Variants in PDIA4 observed in about 807,000 individuals in gnomAD.
The protein encoded by PDIA4 is protein disulfide-isomerase A4.
A neutral mutation model predicts 62.1 loss-of-function variants in PDIA4; 33 were observed. The observed-to-expected ratio is 0.53, with a 90% CI of 0.40 to 0.71. PDIA4 has a LOEUF of 0.71. Among genes scored for constraint, PDIA4 ranks in the 30% least tolerant of loss-of-function variants. The pLI, the probability that PDIA4 is intolerant of heterozygous loss-of-function variation, is 0.00. For missense variants in PDIA4, 804 were observed against 813.6 expected, an observed-to-expected ratio of 0.99 and a Z score of 0.14; for synonymous variants, 341 against 324.1, an observed-to-expected ratio of 1.05 and a Z score of -0.56.
chr7:149,022,360 A>T (rs1431230003), intron 1 of PDIA4, among the ~76,000 whole-genome samples: 1 of 152,172 alleles, frequency 6.6e-6, no homozygotes, highest in Non-Finnish European at 1.5e-5. Flanking sequence ...AGAATGTGAG[A>T]AATTGTGTAT....
Position 149,003,675 on chromosome 7 carries a change from A to T in PDIA4, c.*119T>A, listed in dbSNP as rs977964863. 6.6e-5 allele frequency: 11 copies of T among 166,462 alleles called. No individual in the cohort carries two copies. The highest frequency in any genetic ancestry group is 5.0e-4 in the South Asian group (3 of 5,980). 10.3% of individuals were successfully genotyped at this position (166,462 alleles called of 1,614,324 possible). A position where few individuals can be genotyped will look rare whatever the true frequency, so the allele number is the denominator to read the frequency against. On this transcript the variant is annotated 3_prime_UTR_variant, in exon 10 of 10. Transcript: ENST00000652332. ...GTGAAACACCAAAGTATAAAAAATT[A>T]AAAAAAAAAAAAAAGGAATCCGAGA...
At chr7:149,015,122 G>A in intron 3 of PDIA4, 80 bp from the exon 4 acceptor site, 5 of 1,458,586 alleles carry the variant, frequency 3.4e-6, no homozygotes, top group Non-Finnish European at 4.7e-6. Flanking sequence ...CAGATGAGGA[G>A]GGGGAAGAAA....
At chr7:149,006,188 C>A in intron 7 of PDIA4, 135 bp from the exon 8 acceptor site, 2 of 791,020 alleles carry the variant, frequency 2.5e-6, no homozygotes, top group Non-Finnish European at 3.7e-6. Flanking sequence ...CCCCAGGGCT[C>A]GACCCCACTC....
In PDIA4 at chr7:149,019,015, T is replaced by C. The variant is rs776133408; in HGVS notation, c.452A>G (p.Tyr151Cys). 3 of 1,613,484 alleles carry C rather than the reference T, an allele frequency of 1.9e-6. No homozygotes were observed. The highest frequency in any genetic ancestry group is 2.5e-6 in the Non-Finnish European group (3 of 1,179,720). ...ACCTTCCTGGGTTCTGGAGCCCTCG[T>C]AGTCTACAGCCTGCCCCTTCTTAAG... ...KILKKGQAVD[Y>C]EGSRTQEEIV... The change falls in exon 3 of 10, where the codon TAC (tyrosine) becomes TGC (cysteine). Residue 151 changes from tyrosine (Y) to cysteine (C), a missense_variant. Tyr to Cys is a radical substitution (Grantham distance 194, BLOSUM62 -2). Coordinates refer to ENST00000652332, the MANE Select transcript of PDIA4 (RefSeq NM_004911.5).
At chr7:149,014,373 A>G (rs1824056013) in intron 4 of PDIA4, among the ~76,000 whole-genome samples, 2 of 152,008 alleles carry the variant, frequency 1.3e-5, no homozygotes, top group South Asian at 4.2e-4. Flanking sequence ...ACTGCTCAAG[A>G]ACCAGAACCA....
chr7:149,022,135 G>T (rs1380923079), intron 1 of PDIA4, among the ~76,000 whole-genome samples: 14 of 152,182 alleles, frequency 9.2e-5, no homozygotes, highest in Admixed American at 8.5e-4. Context: ...ATTTCTGAAA[G>T]GGGGTGGCAT....
intron 1 of PDIA4, among the ~76,000 whole-genome samples, chr7:149,027,462 C>G (rs1824597804): frequency 6.6e-6 from 1 of 152,172 alleles, no homozygotes; most frequent in Admixed American, 6.5e-5. Context: ...TATATTAGAA[C>G]AAACTCAGAA....
rs747572062 is a variant in PDIA4 at position 149,006,048 on chromosome 7, G to A, written c.1137C>T (p.Ser379=). ...AGTCCTTGATGGCCGAGTCCTGGGT[G>A]GAGCCCTGCTTCAAAGAGGGAACAG... ...PRSHMMDVQG[S]TQDSAIKDFV... The change falls in exon 8 of 10, where the codon TCC becomes TCT. Residue 379 remains serine (S), a synonymous_variant. Coordinates refer to ENST00000652332, the MANE Select transcript of PDIA4 (RefSeq NM_004911.5). The A allele has an allele frequency of 1.6e-5, 25 of 1,557,040 alleles. No individual in the cohort carries two copies. The highest frequency in any genetic ancestry group is 4.2e-5 in the African/African-American group (3 of 70,760).
chr7:149,008,028 G>A lies in PDIA4; in HGVS notation c.1131+131C>T, dbSNP rs1283932651. 8.4e-6 allele frequency: 7 copies of A among 830,954 alleles called. No individual in the cohort carries two copies. In the East Asian group the frequency reaches 1.1e-4, roughly 14 times the overall value. 51.5% of individuals were successfully genotyped at this position (830,954 alleles called of 1,614,324 possible). A position where few individuals can be genotyped will look rare whatever the true frequency, so the allele number is the denominator to read the frequency against. ...AAAACCTGTGGGGTGGGGAGAACGG[G>A]CTGGAAAAGGAGTTCCAGACCCTGC... is the stretch of plus-strand genomic sequence containing the variant. On this transcript the variant is annotated intron_variant, in intron 7 of 9. Coordinates refer to ENST00000652332, the MANE Select transcript of PDIA4 (RefSeq NM_004911.5).
In PDIA4 at chr7:149,003,999, A is replaced by G. The variant is rs1241942905; in HGVS notation, c.1733T>C (p.Leu578Pro). Reference sequence around the variant, plus strand: ...AGTGGCGTCCATCTTGGCGATGACCAGGCCCTTTTGGCCCTTGTACTTCTT... The same window carrying G: ...AGTGGCGTCCATCTTGGCGATGACCGGGCCCTTTTGGCCCTTGTACTTCTT... ...LAKKYKGQKG[L>P]VIAKMDATAN... Residue 578 changes from leucine (L) to proline (P), a missense_variant, in exon 10 of 10, where the codon CTG (leucine) becomes CCG (proline). Transcript: ENST00000652332. 1 of 1,614,008 alleles carries G rather than the reference A, an allele frequency of 6.2e-7. No individual in the cohort carries two copies. Among genetic ancestry groups the G allele is most frequent in the Admixed American group, 1.7e-5 (1 of 60,010 alleles).
intron 2 of PDIA4, among the ~76,000 whole-genome samples, chr7:149,020,383 C>T (rs1824300720): frequency 6.6e-6 from 1 of 152,166 alleles, no homozygotes; most frequent in African/African-American, 2.4e-5. Context: ...AAGAGCAAAG[C>T]AGGGGTCATG....
intron 1 of PDIA4, among the ~76,000 whole-genome samples, chr7:149,024,465 G>T (rs887125218): frequency 6.6e-5 from 10 of 152,032 alleles, no homozygotes; most frequent in Non-Finnish European, 2.9e-5. Context: ...CATTTTAGTG[G>T]GGGAACACTT....
rs374157362 is a variant in PDIA4 at position 149,003,856 on chromosome 7, G to A, written c.1876C>T (p.His626Tyr). ...TGTTCTTCTATAAACTTGCTCAAAT[G>A]CTCCAGATCTCTGTCTCCACCCTCA... ...KFEGGDRDLE[H>Y]LSKFIEEHAT... The change falls in exon 10 of 10, where the codon CAT (histidine) becomes TAT (tyrosine). Residue 626 changes from histidine to tyrosine, a missense_variant. Physicochemically the swap from His to Tyr is moderately conservative, Grantham distance 83 (BLOSUM62 2). Transcript: ENST00000652332. 11 of 1,606,768 alleles carry A rather than the reference G, an allele frequency of 6.8e-6. No homozygotes were observed. Among genetic ancestry groups the A allele is most frequent in the Non-Finnish European group, 8.5e-6 (10 of 1,177,276 alleles).
At chr7:149,027,506 A>C (rs552736221) in intron 1 of PDIA4, among the ~76,000 whole-genome samples, 3 of 152,380 alleles carry the variant, frequency 2.0e-5, no homozygotes, top group African/African-American at 7.2e-5. Flanking sequence ...GTAAGGGCAG[A>C]GAGGAAGAAG....
chr7:149,014,164 G>A (rs868460622), intron 4 of PDIA4, among the ~76,000 whole-genome samples: 1 of 152,168 alleles, frequency 6.6e-6, no homozygotes, highest in Non-Finnish European at 1.5e-5. Context: ...GCATTGCCTG[G>A]AACAAGGGTG....
intron 6 of PDIA4, among the ~76,000 whole-genome samples, chr7:149,009,024 CA>C (rs77050288): frequency 0.093 from 14,130 of 152,186 alleles, 859 homozygotes; most frequent in South Asian, 0.15. Flanking sequence ...TTTCCAAGTT[CA>C]AGCCAATTCT....
chr7:149,009,310 C>T (rs377128706), intron 6 of PDIA4, among the ~76,000 whole-genome samples: 1 of 151,900 alleles, frequency 6.6e-6, no homozygotes, highest in African/African-American at 2.4e-5. Context: ...ACAACAACAA[C>T]AAAAAAACCC....
At chr7:149,018,646 G>C (rs1235291690) in intron 3 of PDIA4, among the ~76,000 whole-genome samples, 1 of 152,098 alleles carries the variant, frequency 6.6e-6, no homozygotes, top group Non-Finnish European at 1.5e-5. Context: ...TGGTCAGGCT[G>C]GTCTTGAACT....
At chr7:149,006,130 T>G in intron 7 of PDIA4, 77 bp from the exon 8 acceptor site, 1 of 1,466,420 alleles carries the variant, frequency 6.8e-7, no homozygotes, top group Non-Finnish European at 9.0e-7. Context: ...TTGAGGGACT[T>G]TGGGGGAGTG....
Sources: gnomAD v4.1 joint callset for allele counts (sites outside exome capture counted in the v4.1 genomes callset) on GRCh38, gnomAD v4.1.1 for gene constraint, MANE v1.5 for transcripts, NCBI Gene and HGNC (gene_info 2026-07-23, HGNC 2026-07-21) for gene names.